Variants in RIMS1 observed in about 807,000 individuals in gnomAD.
RIMS1 encodes regulating synaptic membrane exocytosis 1.
In RIMS1, 83 loss-of-function variants were observed where a neutral mutation model predicts 214.1. The ratio of observed to expected loss-of-function variants is 0.39; its 90% CI spans 0.32 to 0.47. The LOEUF (loss-of-function observed/expected upper bound fraction) is 0.47, where lower values mean the gene tolerates loss of function less well. RIMS1 is among the 20% of genes least tolerant of loss of function. RIMS1 has a pLI of 0.99. For synonymous variants in RIMS1, 793 were observed against 786.8 expected, an observed-to-expected ratio of 1.01 and a Z score of -0.13; for missense variants, 2,050 against 2,161.8, an observed-to-expected ratio of 0.95 and a Z score of 1.03.
chr6:71,900,837 CAT>C lies in RIMS1; in HGVS notation c.164+13651_164+13652del, dbSNP rs373246587. Among the ~76,000 whole-genome samples the C allele has an allele frequency of 5.7e-3, 868 of 152,124 alleles. 8 individuals are homozygous for C. The highest frequency in any genetic ancestry group is 0.02 in the African/African-American group (810 of 41,514). On this transcript the variant is annotated intron_variant, in intron 1 of 33. Coordinates refer to ENST00000521978, the MANE Select transcript of RIMS1 (RefSeq NM_014989.7). ...GGGTTAGAAATGTAAATTTATGAGT[CAT>C]GTGTACACAGATGGCCATGAAGCTA...
intron 29 of RIMS1, among the ~76,000 whole-genome samples, chr6:72,355,641 C>T (rs536348413): frequency 3.1e-4 from 47 of 152,162 alleles, no homozygotes; most frequent in African/African-American, 1.1e-3. Context: ...TTAGAGACTG[C>T]CAGTTCGAGA....
intron 29 of RIMS1, among the ~76,000 whole-genome samples, chr6:72,359,519 C>T (rs1425996342): frequency 6.6e-6 from 1 of 151,630 alleles, no homozygotes; most frequent in African/African-American, 2.4e-5. Flanking sequence ...TTCCAAATAT[C>T]ACAAAGCCAG....
intron 1 of RIMS1, among the ~76,000 whole-genome samples, chr6:71,893,696 A>C (rs1397451780): frequency 6.6e-6 from 1 of 152,152 alleles, no homozygotes. Context: ...ACATTCTTAC[A>C]TCGAGTTTAT....
chr6:71,979,463 T>C (rs1329937376), intron 2 of RIMS1, among the ~76,000 whole-genome samples: 10 of 152,118 alleles, frequency 6.6e-5, no homozygotes, highest in Admixed American at 5.3e-4. Context: ...TTTAGTCATA[T>C]ACATGACAGC....
chr6:72,221,098 G>A (rs2058248903), intron 6 of RIMS1, among the ~76,000 whole-genome samples: 1 of 152,010 alleles, frequency 6.6e-6, no homozygotes, highest in African/African-American at 2.4e-5. Flanking sequence ...TGTCCCCTTT[G>A]AGTTTGCTAT....
chr6:72,150,942 T>A (rs542282877), intron 4 of RIMS1, among the ~76,000 whole-genome samples: 3 of 152,372 alleles, frequency 2.0e-5, no homozygotes, highest in South Asian at 4.1e-4. Flanking sequence ...TTATATTTGG[T>A]TTAGATGGAC....
intron 29 of RIMS1, among the ~76,000 whole-genome samples, chr6:72,364,030 G>A (rs550348183): frequency 2.0e-5 from 3 of 152,306 alleles, no homozygotes; most frequent in African/African-American, 7.2e-5. Flanking sequence ...AACATGAGGT[G>A]TCTTGAGATG....
chr6:71,950,223 T>C (rs1789032580), intron 1 of RIMS1, among the ~76,000 whole-genome samples: 1 of 152,152 alleles, frequency 6.6e-6, no homozygotes, highest in Admixed American at 6.6e-5. Flanking sequence ...GGAAGGAGGT[T>C]GACTACAAGA....
intron 4 of RIMS1, among the ~76,000 whole-genome samples, chr6:72,151,609 T>A (rs1588120967): frequency 2.0e-5 from 3 of 152,310 alleles, no homozygotes; most frequent in Admixed American, 2.0e-4. Context: ...TCCTTGCCAA[T>A]ACAATATGGG....
At chr6:72,143,161 G>C (rs533034497) in intron 4 of RIMS1, among the ~76,000 whole-genome samples, 1 of 152,088 alleles carries the variant, frequency 6.6e-6, no homozygotes, top group Admixed American at 6.5e-5. Flanking sequence ...ATATAGGCTA[G>C]TGATAAAATT....
intron 27 of RIMS1, among the ~76,000 whole-genome samples, chr6:72,307,612 G>A (rs1348524581): frequency 1.3e-5 from 2 of 149,242 alleles, no homozygotes; most frequent in East Asian, 1.9e-4. Flanking sequence ...AAAATTAGCC[G>A]GGCGTGCGCC....
chr6:72,151,152 C>G (rs1364705835), intron 4 of RIMS1, among the ~76,000 whole-genome samples: 2 of 152,170 alleles, frequency 1.3e-5, no homozygotes. Context: ...ACACCATTCT[C>G]CTGCCTCAGC....
chr6:72,109,916 A>G (rs1384112440), intron 4 of RIMS1, among the ~76,000 whole-genome samples: 1 of 152,146 alleles, frequency 6.6e-6, no homozygotes, highest in South Asian at 2.1e-4. Flanking sequence ...AGCTTTCTAC[A>G]TATGGCTAGC....
chr6:72,161,366 G>A (rs2045375980), intron 4 of RIMS1, among the ~76,000 whole-genome samples: 1 of 139,184 alleles, frequency 7.2e-6, no homozygotes. Flanking sequence ...TTTTTGAAGG[G>A]CTTTTTGTGT....
chr6:72,402,745 T>C lies in RIMS1; in HGVS notation c.*2031T>C, dbSNP rs1381113118. 2 of 152,658 alleles carry C rather than the reference T, an allele frequency of 1.3e-5. No individual in the cohort carries two copies. Among genetic ancestry groups the C allele is most frequent in the Non-Finnish European group, 2.9e-5 (2 of 68,040 alleles). The allele number at this position is 152,658 out of a possible 1,614,324, so 9.5% of individuals were successfully genotyped here. A position where few individuals can be genotyped will look rare whatever the true frequency, so the allele number is the denominator to read the frequency against. ...CACTTGTCTTAACACTCCCCTGTGC[T>C]TTTAAATGAAATTCCAATTCATGTA... is the stretch of plus-strand genomic sequence containing the variant. On this transcript the variant is annotated 3_prime_UTR_variant, in exon 34 of 34. Transcript: ENST00000521978.
intron 4 of RIMS1, among the ~76,000 whole-genome samples, chr6:72,143,755 T>C (rs1315435912): frequency 6.6e-6 from 1 of 152,240 alleles, no homozygotes; most frequent in Non-Finnish European, 1.5e-5. Flanking sequence ...AGGATACAAT[T>C]AATTTCTAAA....
chr6:72,258,966 G>A lies in RIMS1; in HGVS notation c.2928-20G>A. ...GAAGATGATACAATTTGACACATAA[G>A]AATTTTGTAATCATTTTAGGAGTTT... On this transcript the variant is annotated intron_variant, in intron 17 of 33. Transcript: ENST00000521978. 6.2e-7 allele frequency: 1 copy of A among 1,611,374 alleles called. No individual in the cohort carries two copies. The highest frequency in any genetic ancestry group is 8.5e-7 in the Non-Finnish European group (1 of 1,177,990).
chr6:72,176,639 A>T lies in RIMS1; in HGVS notation c.472-2936A>T, dbSNP rs75738263. Among the ~76,000 whole-genome samples, 421 of 152,270 alleles carry T rather than the reference A, an allele frequency of 2.8e-3. 21 individuals are homozygous for T. In the East Asian group the frequency reaches 0.072, roughly 26 times the overall value. On this transcript the variant is annotated intron_variant, in intron 4 of 33. Coordinates refer to ENST00000521978, the MANE Select transcript of RIMS1 (RefSeq NM_014989.7). Reference sequence around the variant, plus strand: ...GGATGGATTGACTACACTTATAGTTAATTTAAAAATACAAATTTAAAAATG... The same window carrying T: ...GGATGGATTGACTACACTTATAGTTTATTTAAAAATACAAATTTAAAAATG...
At chr6:72,025,225 C>T (rs911727056) in intron 2 of RIMS1, among the ~76,000 whole-genome samples, 6 of 151,938 alleles carry the variant, frequency 3.9e-5, no homozygotes, top group Non-Finnish European at 1.5e-5. Flanking sequence ...CCTTTTTTGC[C>T]ACGTGCTCCT....
Sources: gnomAD v4.1 joint callset for allele counts (sites outside exome capture counted in the v4.1 genomes callset) on GRCh38, gnomAD v4.1.1 for gene constraint, MANE v1.5 for transcripts, NCBI Gene and HGNC (gene_info 2026-07-23, HGNC 2026-07-21) for gene names.